The following LRCH1 variants were observed in gnomAD, a reference collection of about 807,000 sequenced individuals.
LRCH1 encodes leucine rich repeats and calponin homology domain containing 1.
Under a neutral mutation model 94.9 loss-of-function variants are expected in LRCH1, and 23 were observed. The observed-to-expected ratio is 0.24, with a 90% CI of 0.17 to 0.34. LRCH1 has a LOEUF of 0.34. Ranked by LOEUF, LRCH1 falls within the 10% of genes least tolerant of loss-of-function variation. The pLI is 1.00. For synonymous variants in LRCH1, 364 were observed against 354.9 expected, an observed-to-expected ratio of 1.03 and a Z score of -0.29; for missense variants, 790 against 945.9, an observed-to-expected ratio of 0.84 and a Z score of 2.16.
At position 46,726,324 on chromosome 13, in the gene LRCH1, C is replaced by T. The variant is rs114320607; in HGVS notation, c.1870-2523C>T. On this transcript the variant is annotated intron_variant, in intron 17 of 19. Coordinates refer to ENST00000389797, the MANE Select transcript of LRCH1 (RefSeq NM_001164211.2). ...ATTAGGGTCCTTGAGACTTGAGGGG[C>T]GCCATAGTGATGAGCTCCAGGGGAC... 3.5e-3 allele frequency among the ~76,000 whole-genome samples: 536 copies of T among 152,244 alleles called. 4 individuals carry two copies. The highest frequency in any genetic ancestry group is 0.012 in the African/African-American group (482 of 41,532).
intron 1 of LRCH1, among the ~76,000 whole-genome samples, chr13:46,635,338 C>G (rs1205680211): frequency 6.6e-6 from 1 of 152,204 alleles, no homozygotes; most frequent in South Asian, 2.1e-4. Flanking sequence ...GAAAGAGCTT[C>G]CCTGTGTACC....
intron 1 of LRCH1, among the ~76,000 whole-genome samples, chr13:46,565,287 T>C (rs1160042417): frequency 6.6e-6 from 1 of 152,184 alleles, no homozygotes; most frequent in Non-Finnish European, 1.5e-5. Context: ...CAAGCTTGGG[T>C]GTACATGCTT....
At chr13:46,676,363 C>T (rs771928534) in intron 3 of LRCH1, among the ~76,000 whole-genome samples, 8 of 152,152 alleles carry the variant, frequency 5.3e-5, no homozygotes, top group Non-Finnish European at 7.4e-5. Flanking sequence ...ACCTGTGTTT[C>T]AACCAAAATC....
At chr13:46,686,163 A>G in intron 5 of LRCH1, 122 bp downstream of exon 5, 1 of 1,031,712 alleles carries the variant, frequency 9.7e-7, no homozygotes, top group Non-Finnish European at 1.3e-6. Context: ...CAAGCGGCAG[A>G]TTAATTGGAG....
chr13:46,741,947 C>T lies in LRCH1; in HGVS notation c.*99C>T. 2 of 1,575,694 alleles carry T rather than the reference C, an allele frequency of 1.3e-6. No individual in the cohort carries two copies. The highest frequency in any genetic ancestry group is 1.7e-6 in the Non-Finnish European group (2 of 1,162,508). ...TTGCCTTGCAAACTTCCATCCCTGT[C>T]ATGTCTTCAGTTATCTCTCGAGTTT... is the stretch of plus-strand genomic sequence containing the variant. On this transcript the variant is annotated 3_prime_UTR_variant, in exon 20 of 20. Coordinates refer to ENST00000389797, the MANE Select transcript of LRCH1 (RefSeq NM_001164211.2).
At chr13:46,564,672 C>A (rs2050163614) in intron 1 of LRCH1, among the ~76,000 whole-genome samples, 1 of 152,220 alleles carries the variant, frequency 6.6e-6, no homozygotes, top group African/African-American at 2.4e-5. Flanking sequence ...AACTTAGACA[C>A]TTCTCTATTT....
At chr13:46,650,800 A>G (rs2051285808) in intron 2 of LRCH1, among the ~76,000 whole-genome samples, 1 of 151,738 alleles carries the variant, frequency 6.6e-6, no homozygotes, top group Non-Finnish European at 1.5e-5. Context: ...GCTACCTAGT[A>G]CTAATTGAGC....
At chr13:46,604,149 T>C (rs1454992318) in intron 1 of LRCH1, among the ~76,000 whole-genome samples, 1 of 151,826 alleles carries the variant, frequency 6.6e-6, no homozygotes, top group Non-Finnish European at 1.5e-5. Flanking sequence ...AATAACTACT[T>C]TTTTTTTGCT....
chr13:46,694,786 G>T, intron 8 of LRCH1, 107 bp from the exon 9 acceptor site: 2 of 1,219,418 alleles, frequency 1.6e-6, no homozygotes, highest in Non-Finnish European at 2.3e-6. Flanking sequence ...CTTCTTCATA[G>T]GGAACACAGA....
intron 8 of LRCH1, 23 bp from the exon 9 acceptor site, chr13:46,694,870 A>T: frequency 6.2e-7 from 1 of 1,613,354 alleles, no homozygotes; most frequent in East Asian, 2.2e-5. Flanking sequence ...CATGCTTTCC[A>T]TCTCTCTATA....
intron 4 of LRCH1, 75 bp downstream of exon 4, chr13:46,681,921 G>A: frequency 5.5e-6 from 4 of 723,922 alleles, no homozygotes; most frequent in Non-Finnish European, 9.2e-6. Context: ...TTACTTTTGT[G>A]AAGAGGGTCG....
In LRCH1 at chr13:46,743,556, C is replaced by G; in HGVS notation, c.*1708C>G. 1.0e-6 allele frequency: 1 copy of G among 985,836 alleles called. No homozygotes were observed. Among genetic ancestry groups the G allele is most frequent in the African/African-American group, 1.7e-5 (1 of 57,362 alleles). 61.1% of individuals were successfully genotyped at this position (985,836 alleles called of 1,614,324 possible). On this transcript the variant is annotated 3_prime_UTR_variant, in exon 20 of 20. Transcript: ENST00000389797. ...CTTTGTACGATGTCTAATGAGCACC[C>G]TGAGCCATAAATTGCTTAATAAACA... is the stretch of plus-strand genomic sequence containing the variant.
At chr13:46,577,656 TG>T (rs930536777) in intron 1 of LRCH1, among the ~76,000 whole-genome samples, 5 of 152,196 alleles carry the variant, frequency 3.3e-5, no homozygotes, top group African/African-American at 1.2e-4. Flanking sequence ...TTTTGTAGCA[TG>T]AGTGAGAGAA....
intron 9 of LRCH1, among the ~76,000 whole-genome samples, chr13:46,696,977 A>C (rs536531744): frequency 6.6e-6 from 1 of 152,264 alleles, no homozygotes; most frequent in South Asian, 2.1e-4. Context: ...CTGAGGAGGG[A>C]AGATCACTTG....
intron 1 of LRCH1, among the ~76,000 whole-genome samples, chr13:46,582,200 T>C (rs947027269): frequency 6.6e-5 from 10 of 150,992 alleles, no homozygotes; most frequent in African/African-American, 2.4e-4. Context: ...AGCTGAAATC[T>C]GCTCATTTCA....
chr13:46,740,745 G>A (rs548228973), intron 19 of LRCH1, among the ~76,000 whole-genome samples: 24 of 152,216 alleles, frequency 1.6e-4, no homozygotes, highest in African/African-American at 3.1e-4. Context: ...GGTCATTTCC[G>A]GTTCAGGAAT....
At chr13:46,572,166 C>T (rs1271774771) in intron 1 of LRCH1, among the ~76,000 whole-genome samples, 2 of 152,220 alleles carry the variant, frequency 1.3e-5, no homozygotes, top group Admixed American at 6.5e-5. Flanking sequence ...CCTACTTGTA[C>T]CCCCACTGCA....
intron 1 of LRCH1, among the ~76,000 whole-genome samples, chr13:46,619,131 A>G (rs2050850250): frequency 1.2e-5 from 1 of 85,596 alleles, no homozygotes; most frequent in East Asian, 3.9e-4. Flanking sequence ...GGTTTTTGAG[A>G]CAGAGTCTTG....
intron 4 of LRCH1, among the ~76,000 whole-genome samples, chr13:46,685,108 G>A (rs1870537960): frequency 6.6e-6 from 1 of 152,282 alleles, no homozygotes; most frequent in Non-Finnish European, 1.5e-5. Context: ...GTTCTGGAGT[G>A]AACCCTTCAT....
Sources: allele counts gnomAD v4.1 joint callset (sites outside exome capture counted in the v4.1 genomes callset), GRCh38; gene constraint gnomAD v4.1.1; transcripts MANE v1.5; gene names NCBI Gene and HGNC (gene_info 2026-07-23, HGNC 2026-07-21).